AGAP1: variants seen among roughly 807,000 people sequenced by gnomAD.
AGAP1 encodes arf-GAP with GTPase, ANK repeat and PH domain-containing protein 1.
Under a neutral mutation model 105.3 loss-of-function variants are expected in AGAP1, and 29 were observed. That is an observed-to-expected ratio of 0.28 (90% CI 0.21 to 0.38). The LOEUF is 0.38. AGAP1 is among the 10% of genes least tolerant of loss of function. The probability of loss-of-function intolerance (pLI) is 1.00; values close to 1 mark genes in which losing one functional copy is unlikely to be tolerated. For missense variants in AGAP1, 998 were observed against 1,165.1 expected (o/e 0.86, Z 2.09); for synonymous variants, 509 against 485.9 (o/e 1.05, Z -0.63).
intron 10 of AGAP1, among the ~76,000 whole-genome samples, chr2:235,902,632 T>A (rs1471859320): frequency 6.6e-6 from 1 of 152,184 alleles, no homozygotes; most frequent in Non-Finnish European, 1.5e-5. Flanking sequence ...GAGATACAAG[T>A]TTGCCACATA....
chr2:236,009,791 C>T lies in AGAP1; in HGVS notation c.1646-26770C>T, dbSNP rs1230751130. Among the ~76,000 whole-genome samples the T allele has an allele frequency of 1.3e-5, 2 of 152,176 alleles. No individual in the cohort carries two copies. Among genetic ancestry groups the T allele is most frequent in the African/African-American group, 4.8e-5 (2 of 41,442 alleles). ...ACGCCAAGGATGTAATTCATGCACA[C>T]TTGGACGTCCAACATGGCTGACGCG... On this transcript the variant is annotated intron_variant, in intron 13 of 17. Coordinates refer to ENST00000304032, the MANE Select transcript of AGAP1 (RefSeq NM_001037131.3). This position sits in a 1 kb window ranked among gnomAD's most constrained non-coding sequence, Gnocchi z 4.2.
At chr2:235,954,621 T>C (rs1209682962) in intron 12 of AGAP1, among the ~76,000 whole-genome samples, 1 of 150,990 alleles carries the variant, frequency 6.6e-6, no homozygotes, top group Admixed American at 6.6e-5. Context: ...TCGACAGCCA[T>C]GTTTGCACGT....
intron 6 of AGAP1, among the ~76,000 whole-genome samples, chr2:235,763,552 G>A (rs553646932): frequency 9.9e-5 from 15 of 152,046 alleles, no homozygotes; most frequent in African/African-American, 1.4e-4. Flanking sequence ...CTAATTTCCC[G>A]AGGATCCATC....
chr2:235,709,057 C>T (rs1231576668), intron 1 of AGAP1, 122 bp from the exon 2 acceptor site: 4 of 948,978 alleles, frequency 4.2e-6, no homozygotes, highest in Non-Finnish European at 3.4e-6. Context: ...GAGAGTGACA[C>T]AGGGAGGCTT....
In AGAP1 at chr2:236,035,573, G is replaced by A. The variant is rs1342867177; in HGVS notation, c.1646-988G>A. Among the ~76,000 whole-genome samples the A allele has an allele frequency of 6.6e-6, 1 of 152,216 alleles. No homozygotes were observed. Among genetic ancestry groups the A allele is most frequent in the Non-Finnish European group, 1.5e-5 (1 of 68,040 alleles). ...TGGGAGGTGGAAGATATAATGAGCT[G>A]TGATTGCACCATGGCACTCCAGCTT... On this transcript the variant is annotated intron_variant, in intron 13 of 17. Transcript: ENST00000304032. The surrounding 1 kb of genome is among the most constrained non-coding windows in gnomAD (Gnocchi z 4.2).
chr2:235,955,555 T>C (rs1342954493), intron 12 of AGAP1, among the ~76,000 whole-genome samples: 2 of 152,210 alleles, frequency 1.3e-5, no homozygotes, highest in East Asian at 3.8e-4. Flanking sequence ...TCTAAGCAGC[T>C]GGGAACTGAC....
intron 16 of AGAP1, among the ~76,000 whole-genome samples, chr2:236,081,749 C>G (rs2125836561): frequency 6.6e-6 from 1 of 150,960 alleles, no homozygotes; most frequent in African/African-American, 2.4e-5. Flanking sequence ...CTAATGAAAC[C>G]ATATTTTGAA....
In AGAP1 at chr2:235,799,447, G is replaced by T. The variant is rs778991201; in HGVS notation, c.882G>T (p.Arg294=). The T allele has an allele frequency of 5.0e-6, 8 of 1,614,184 alleles. No individual in the cohort carries two copies. In the East Asian group the frequency reaches 1.6e-4, roughly 31 times the overall value. The change falls in exon 8 of 18, where the codon CGG becomes CGT. Residue 294 remains arginine, a synonymous_variant. Transcript: ENST00000304032. This position sits in a 1 kb window ranked among gnomAD's most constrained non-coding sequence, Gnocchi z 5.0. ...CCAGCACCAGCCAGAAGGAACTTCG[G>T]ATCGATGTTCCTCCCACTGCCAACA... ...STPSTSQKEL[R]IDVPPTANTP...
In AGAP1 at chr2:235,747,320, CCA is replaced by C; in HGVS notation, c.538+2482_538+2483del. ...TAAAAGAAAGTACCCCCATTTATTC[CCA>C]TGAATTCCATGAACATCCGTTGATC... On this transcript the variant is annotated intron_variant, in intron 5 of 17. Transcript: ENST00000304032. This position sits in a 1 kb window ranked among gnomAD's most constrained non-coding sequence, Gnocchi z 5.0. 6.6e-6 allele frequency among the ~76,000 whole-genome samples: 1 copy of C among 152,130 alleles called. No homozygotes were observed. Among genetic ancestry groups the C allele is most frequent in the South Asian group, 2.1e-4 (1 of 4,818 alleles).
At chr2:236,065,131 G>A (rs553981956) in intron 16 of AGAP1, among the ~76,000 whole-genome samples, 2 of 152,366 alleles carry the variant, frequency 1.3e-5, no homozygotes, top group Non-Finnish European at 2.9e-5. Context: ...GAAGGCTTAC[G>A]TGCTGCCTTC....
At position 235,712,790 on chromosome 2, in the gene AGAP1, T is replaced by A. The variant is rs911020896; in HGVS notation, c.222+3553T>A. Among the ~76,000 whole-genome samples the A allele has an allele frequency of 1.3e-5, 2 of 152,342 alleles. No individual in the cohort carries two copies. Among genetic ancestry groups the A allele is most frequent in the East Asian group, 3.9e-4 (2 of 5,180 alleles). ...TTTCAAGACACCTCATTCCTCCTCA[T>A]GTAGCTCTTTGGCTCGCTCTGGATT... On this transcript the variant is annotated intron_variant, in intron 2 of 17. Transcript: ENST00000304032. The surrounding 1 kb of genome is among the most constrained non-coding windows in gnomAD (Gnocchi z 6.0).
chr2:235,768,622 C>T (rs1328643225), intron 6 of AGAP1, among the ~76,000 whole-genome samples: 3 of 152,230 alleles, frequency 2.0e-5, no homozygotes, highest in Non-Finnish European at 4.4e-5. Flanking sequence ...ATGGGTAGAG[C>T]TGGGGCCCAA....
At chr2:235,918,576 C>T (rs1045297529) in intron 11 of AGAP1, among the ~76,000 whole-genome samples, 5 of 152,304 alleles carry the variant, frequency 3.3e-5, no homozygotes, top group Middle Eastern at 3.4e-3. Context: ...TAGGCAAATT[C>T]GTGTGGTATT....
At position 235,901,981 on chromosome 2, in the gene AGAP1, T is replaced by C. The variant is rs1202013838; in HGVS notation, c.1156-6757T>C. Among the ~76,000 whole-genome samples, 1 of 152,200 alleles carries C rather than the reference T, an allele frequency of 6.6e-6. No individual in the cohort carries two copies. ...GTTAGAAATTCAAACAAAGAAAATA[T>C]GTAATCCATTTAAAATAACAATAAA... On this transcript the variant is annotated intron_variant, in intron 10 of 17. Transcript: ENST00000304032. This position sits in a 1 kb window ranked among gnomAD's most constrained non-coding sequence, Gnocchi z 4.3.
chr2:235,715,807 G>C (rs1227684213), intron 2 of AGAP1, among the ~76,000 whole-genome samples: 1 of 152,142 alleles, frequency 6.6e-6, no homozygotes, highest in Admixed American at 6.5e-5. Context: ...AGGTGCCCAG[G>C]AGGGAGCGGA....
In AGAP1 at chr2:235,842,696, T is replaced by A. The variant is rs1403011617; in HGVS notation, c.1050+35365T>A. ...ACCCTATGAATTCTATAAACTGAAG[T>A]TTTCATCCCATGTGTCAGGTTTGTT... On this transcript the variant is annotated intron_variant, in intron 9 of 17. Transcript: ENST00000304032. This position sits in a 1 kb window ranked among gnomAD's most constrained non-coding sequence, Gnocchi z 5.3. Among the ~76,000 whole-genome samples the A allele has an allele frequency of 6.6e-6, 1 of 152,120 alleles. No homozygotes were observed. Among genetic ancestry groups the A allele is most frequent in the Non-Finnish European group, 1.5e-5 (1 of 68,034 alleles).
chr2:235,818,779 T>C (rs1559525127), intron 9 of AGAP1, among the ~76,000 whole-genome samples: 1 of 152,200 alleles, frequency 6.6e-6, no homozygotes, highest in Non-Finnish European at 1.5e-5. Flanking sequence ...GGTTTCACCA[T>C]GTTAGGCTGT....
At chr2:235,585,453 C>T (rs1191389150) in intron 1 of AGAP1, among the ~76,000 whole-genome samples, 1 of 152,218 alleles carries the variant, frequency 6.6e-6, no homozygotes, top group Non-Finnish European at 1.5e-5. Context: ...CAAAATCTTT[C>T]ACCTCTTCAC....
chr2:235,903,834 C>T (rs754141809), intron 10 of AGAP1, among the ~76,000 whole-genome samples: 1 of 152,140 alleles, frequency 6.6e-6, no homozygotes, highest in Non-Finnish European at 1.5e-5. Flanking sequence ...GGTAACCTCC[C>T]GGTCCTGGGA....
Sources: allele counts gnomAD v4.1 joint callset (sites outside exome capture counted in the v4.1 genomes callset), GRCh38; gene constraint gnomAD v4.1.1; non-coding constraint Gnocchi (gnomAD v3.1); transcripts MANE v1.5; gene names NCBI Gene and HGNC (gene_info 2026-07-23, HGNC 2026-07-21).